GK: variants seen among roughly 807,000 people sequenced by gnomAD.
GK encodes the protein glycerol kinase.
GK carries 9 observed loss-of-function variants against 56.4 expected under a neutral mutation model. The ratio of observed to expected loss-of-function variants is 0.16; its 90% CI spans 0.10 to 0.28. The LOEUF (loss-of-function observed/expected upper bound fraction) is 0.28, where lower values mean the gene tolerates loss of function less well. Among genes scored for constraint, GK ranks in the 10% least tolerant of loss-of-function variants. The pLI, the probability that GK is intolerant of heterozygous loss-of-function variation, is 1.00. For synonymous variants in GK, 104 were observed against 144.1 expected (o/e 0.72, Z 1.99); for missense variants, 161 against 431.4 (o/e 0.37, Z 5.55).
At chrX:30,662,243 A>C (rs767176216) in intron 1 of GK, among the ~76,000 whole-genome samples, 1 of 112,841 alleles carries the variant, frequency 8.9e-6, no homozygotes, top group Admixed American at 9.4e-5. Flanking sequence ...ATATTGGCTT[A>C]AATGTGTTAT....
At chrX:30,661,288 T>C (rs1293401015) in intron 1 of GK, among the ~76,000 whole-genome samples, 2 of 111,694 alleles carry the variant, frequency 1.8e-5, no homozygotes, top group African/African-American at 6.5e-5. Context: ...TGGTAAACAC[T>C]GCCTACTCAG....
At chrX:30,685,544 T>C (rs1934554246) in intron 4 of GK, among the ~76,000 whole-genome samples, 1 of 112,321 alleles carries the variant, frequency 8.9e-6, no homozygotes, top group South Asian at 3.6e-4. Flanking sequence ...AAAAATTCCA[T>C]TATTACAGGA....
rs1935158716 is a variant in GK at position 30,694,735 on chromosome X, T to C, written c.552+198T>C. On this transcript the variant is annotated intron_variant, in intron 6 of 20. Transcript: ENST00000427190. The stretch of plus-strand genomic sequence containing the variant: ...CCTACTTCCTCTTTATTTTTTCTTG[T>C]CTTACTTCAGTGAAAATGAAGGATA... Among the ~76,000 whole-genome samples the C allele has an allele frequency of 1.8e-5, 2 of 111,803 alleles. 1 individual carries two copies. Among genetic ancestry groups the C allele is most frequent in the Admixed American group, 1.9e-4 (2 of 10,471 alleles).
chrX:30,679,675 C>T (rs1934173149), intron 4 of GK, among the ~76,000 whole-genome samples: 1 of 111,666 alleles, frequency 9.0e-6, no homozygotes, highest in African/African-American at 3.3e-5. Context: ...TGTCCCTCTG[C>T]ACCCCTCCCC....
At chrX:30,693,443 G>A (rs1249446195) in intron 5 of GK, among the ~76,000 whole-genome samples, 1 of 112,145 alleles carries the variant, frequency 8.9e-6, no homozygotes, top group Non-Finnish European at 1.9e-5. Context: ...TTTCATTTTT[G>A]CCCATTAATC....
intron 1 of GK, among the ~76,000 whole-genome samples, chrX:30,663,145 A>G (rs1216166995): frequency 9.1e-6 from 1 of 110,304 alleles, no homozygotes; most frequent in Non-Finnish European, 1.9e-5. Flanking sequence ...AGTCTCCCAA[A>G]GTGCCGGGCG....
At chrX:30,673,341 G>A (rs1441332572) in intron 3 of GK, among the ~76,000 whole-genome samples, 2 of 112,212 alleles carry the variant, frequency 1.8e-5, no homozygotes, top group Non-Finnish European at 3.8e-5. Context: ...TGCACATGAG[G>A]AGGAGTGGAG....
intron 1 of GK, among the ~76,000 whole-genome samples, chrX:30,663,777 A>G (rs566566615): frequency 9.3e-6 from 1 of 107,761 alleles, no homozygotes; most frequent in South Asian, 3.9e-4. Flanking sequence ...GAAACACTTT[A>G]CTAATTGGAA....
chrX:30,725,114 C>G (rs1417409501), intron 19 of GK, among the ~76,000 whole-genome samples: 1 of 111,158 alleles, frequency 9.0e-6, no homozygotes, highest in Non-Finnish European at 1.9e-5. Flanking sequence ...AACTCCTGAC[C>G]TCAAGTGATC....
chrX:30,699,275 A>ATG (rs1569162102), intron 9 of GK, among the ~76,000 whole-genome samples: 1 of 57,410 alleles, frequency 1.7e-5, no homozygotes, highest in Non-Finnish European at 3.9e-5. Context: ...TATAACATGT[A>ATG]TATATACAAC....
At chrX:30,664,703 T>A (rs1383915180) in intron 1 of GK, among the ~76,000 whole-genome samples, 1 of 19,309 alleles carries the variant, frequency 5.2e-5, no homozygotes, top group East Asian at 1.8e-3. Flanking sequence ...CTCTATTGCC[T>A]TTTTTTTTTT....
At chrX:30,655,646 C>A (rs886244146) in intron 1 of GK, among the ~76,000 whole-genome samples, 2 of 112,409 alleles carry the variant, frequency 1.8e-5, no homozygotes, top group Non-Finnish European at 3.8e-5. Context: ...TAAAATATTT[C>A]ATAACTTTGT....
intron 18 of GK, 51 bp from the exon 19 acceptor site, chrX:30,724,050 A>T (rs1202441023): frequency 1.1e-5 from 8 of 748,376 alleles, no homozygotes; most frequent in Non-Finnish European, 1.5e-5. Flanking sequence ...TACTAAGAAC[A>T]TCTCAGCAAA....
rs1312136661 is a variant in GK at position 30,719,468 on chromosome X, A to G, written c.1104A>G (p.Pro368=). 3 of 1,194,876 alleles carry G rather than the reference A, an allele frequency of 2.5e-6. No individual in the cohort carries two copies. Among genetic ancestry groups the G allele is most frequent in the Non-Finnish European group, 3.4e-6 (3 of 881,948 alleles). ...VGTSYGCYFV[P]AFSGLYAPYW... is the part of the protein sequence containing the mutation. Reference sequence around the variant, plus strand: ...CTTCTTATGGCTGCTACTTCGTCCCAGCATTTTCGGGGTTATATGCACCTT... The same window carrying G: ...CTTCTTATGGCTGCTACTTCGTCCCGGCATTTTCGGGGTTATATGCACCTT... The change falls in exon 15 of 21, where the codon CCA becomes CCG. Residue 368 remains proline, a synonymous_variant. Coordinates refer to ENST00000427190, the MANE Select transcript of GK (RefSeq NM_001205019.2).
chrX:30,701,093 C>A (rs965763947), intron 11 of GK, among the ~76,000 whole-genome samples, 188 bp downstream of exon 11: 3 of 112,006 alleles, frequency 2.7e-5, no homozygotes, highest in African/African-American at 9.7e-5. Context: ...CATATATATG[C>A]ACACTGATGA....
intron 13 of GK, among the ~76,000 whole-genome samples, chrX:30,709,013 C>T (rs1569168540): frequency 9.0e-6 from 1 of 111,377 alleles, no homozygotes; most frequent in Non-Finnish European, 1.9e-5. Context: ...AATATTTCTC[C>T]CCAGCTCCTT....
intron 4 of GK, chrX:30,678,048 T>A (rs758294080): frequency 3.7e-6 from 2 of 540,194 alleles, no homozygotes; most frequent in Non-Finnish European, 6.8e-6. Context: ...CCCTGCTGTT[T>A]GTGACATCTA....
chrX:30,669,331 C>T (rs1327547809), intron 3 of GK, among the ~76,000 whole-genome samples: 1 of 109,174 alleles, frequency 9.2e-6, no homozygotes, highest in Non-Finnish European at 1.9e-5. Flanking sequence ...TACAGGCACA[C>T]ACCACCATGC....
chrX:30,715,744 C>T (rs1185198439), intron 13 of GK, among the ~76,000 whole-genome samples: 1 of 112,278 alleles, frequency 8.9e-6, no homozygotes, highest in African/African-American at 3.2e-5. Flanking sequence ...AGAGATGTCT[C>T]TCATTTTTAT....
Sources: gnomAD v4.1 joint callset for allele counts (sites outside exome capture counted in the v4.1 genomes callset) on GRCh38, gnomAD v4.1.1 for gene constraint, MANE v1.5 for transcripts, NCBI Gene and HGNC (gene_info 2026-07-23, HGNC 2026-07-21) for gene names.